Variants in ELP1 observed in about 807,000 individuals in gnomAD.
ELP1 encodes elongator complex protein 1.
A neutral mutation model predicts 183.2 loss-of-function variants in ELP1; 131 were observed. The ratio of observed to expected loss-of-function variants is 0.72; its 90% confidence interval spans 0.62 to 0.83. ELP1 has a LOEUF of 0.83. Ranked by LOEUF, ELP1 falls within the 40% of genes least tolerant of loss-of-function variation. The pLI is 0.00. For missense variants in ELP1, 1,550 were observed against 1,594.9 expected, an observed-to-expected ratio of 0.97 and a Z score of 0.48; for synonymous variants, 555 against 569.0, an observed-to-expected ratio of 0.98 and a Z score of 0.35.
At chr9:108,873,470 A>T (rs1266262385) in intron 36 of ELP1, among the ~76,000 whole-genome samples, 2 of 152,216 alleles carry the variant, frequency 1.3e-5, no homozygotes, top group Non-Finnish European at 2.9e-5. Flanking sequence ...GGTAATGATA[A>T]TAAACACTCA....
Position 108,896,661 on chromosome 9 carries a change from A to T in ELP1, c.2588-17T>A, listed in dbSNP as rs1828558060. On this transcript the variant is annotated splice_polypyrimidine_tract_variant and intron_variant, in intron 24 of 36. Transcript: ENST00000374647. ...GAGCATTTCCTAACAGTGTTTAGAA[A>T]ACAAAACAGAACACAATCATTTGGG... is the stretch of plus-strand genomic sequence containing the variant. 6.2e-7 allele frequency: 1 copy of T among 1,612,596 alleles called. No individual in the cohort carries two copies. The highest frequency in any genetic ancestry group is 1.7e-5 in the Admixed American group (1 of 60,022).
At position 108,906,375 on chromosome 9, in the gene ELP1, G is replaced by A. The variant is rs1207551249; in HGVS notation, c.1571C>T (p.Pro524Leu). Residue 524 changes from proline to leucine, a missense_variant, in exon 14 of 37, where the codon CCC (proline) becomes CTC (leucine). Coordinates refer to ENST00000374647, the MANE Select transcript of ELP1 (RefSeq NM_003640.5). Reference sequence around the variant, plus strand: ...AGTCAAATGGTGAATGACAGACCGGGGGCTGAACTCACTGTGGCTTACAGC... The same window carrying A: ...AGTCAAATGGTGAATGACAGACCGGAGGCTGAACTCACTGTGGCTTACAGC... ...FLAVSHSEFS[P>L]RSVIHHLTAA... 6.2e-6 allele frequency: 10 copies of A among 1,613,942 alleles called. No individual in the cohort carries two copies. The highest frequency in any genetic ancestry group is 8.5e-6 in the Non-Finnish European group (10 of 1,179,956).
intron 36 of ELP1, among the ~76,000 whole-genome samples, chr9:108,870,202 G>C (rs1429621147): frequency 2.6e-5 from 4 of 152,040 alleles, no homozygotes; most frequent in Admixed American, 2.0e-4. Flanking sequence ...TCCTGGTCTC[G>C]TTCCACCCAC....
chr9:108,930,859 T>C (rs1587928213), intron 2 of ELP1, 138 bp downstream of exon 2: 7 of 809,102 alleles, frequency 8.7e-6, no homozygotes, highest in East Asian at 5.3e-5. Context: ...ACATGGCATA[T>C]ATATGAAGCA....
At chr9:108,871,337 T>G (rs1284804061) in intron 36 of ELP1, among the ~76,000 whole-genome samples, 1 of 152,192 alleles carries the variant, frequency 6.6e-6, no homozygotes, top group Non-Finnish European at 1.5e-5. Flanking sequence ...GTTGAACTCA[T>G]GGAGTTTGGG....
chr9:108,877,703 A>G (rs1827754300), intron 35 of ELP1, among the ~76,000 whole-genome samples: 1 of 151,538 alleles, frequency 6.6e-6, no homozygotes, highest in Non-Finnish European at 1.5e-5. Flanking sequence ...ATCTCTCCCC[A>G]CTCCAACCTC....
chr9:108,873,067 C>T (rs1375053732), intron 36 of ELP1, among the ~76,000 whole-genome samples: 1 of 152,116 alleles, frequency 6.6e-6, no homozygotes. Flanking sequence ...AACTTGAGGG[C>T]TTTTCAATTT....
chr9:108,931,068 G>A lies in ELP1; in HGVS notation c.79C>T (p.Arg27Ter), dbSNP rs868073099. Residue 27 changes from arginine (R) to a stop codon, truncating the protein, a stop_gained, in exon 2 of 37, where the codon CGA becomes TGA. Transcript: ENST00000374647. LOFTEE classifies it high-confidence loss of function. The part of the protein sequence containing the change: ...GPGNPQCFSL[R>*]TEQGTVLIGS... ...ATGAGCACCGTCCCCTGTTCAGTTC[G>A]GAGAGAGAAGCACTGAGGATTCCCT... The A allele has an allele frequency of 7.4e-6, 12 of 1,613,884 alleles. No individual in the cohort carries two copies. In the East Asian group the frequency reaches 1.3e-4, roughly 18 times the overall value.
intron 29 of ELP1, among the ~76,000 whole-genome samples, chr9:108,886,140 C>T (rs1040083763): frequency 1.3e-5 from 2 of 152,180 alleles, no homozygotes; most frequent in African/African-American, 4.8e-5. Flanking sequence ...TGGCAGTACG[C>T]CAAGTCTGGT....
chr9:108,896,555 G>A lies in ELP1; in HGVS notation c.2677C>T (p.His893Tyr). 6.2e-7 allele frequency: 1 copy of A among 1,613,860 alleles called. No individual in the cohort carries two copies. Among genetic ancestry groups the A allele is most frequent in the Non-Finnish European group, 8.5e-7 (1 of 1,179,756 alleles). The change falls in exon 25 of 37, where the codon CAT becomes TAT. Residue 893 changes from histidine to tyrosine, a missense_variant. Physicochemically the swap from His to Tyr is moderately conservative, Grantham distance 83 (BLOSUM62 2). Transcript: ENST00000374647. ...HLVDVNELYD[H>Y]SLGTYDFDLV... is the part of the protein sequence containing the mutation. ...TCAAAGTCATAGGTGCCAAGAGAAT[G>A]ATCATATAATTCATTAACATCTACC...
At chr9:108,916,677 A>C (rs545733033) in intron 9 of ELP1, among the ~76,000 whole-genome samples, 2 of 152,356 alleles carry the variant, frequency 1.3e-5, no homozygotes, top group South Asian at 4.1e-4. Flanking sequence ...ATAAATATTG[A>C]AAATATGATT....
chr9:108,892,017 C>A (rs573370265), intron 27 of ELP1, among the ~76,000 whole-genome samples: 1 of 152,114 alleles, frequency 6.6e-6, no homozygotes, highest in East Asian at 1.9e-4. Context: ...TAGCCACTGG[C>A]CAAATCCTCG....
At chr9:108,913,452 T>C (rs897574244) in intron 10 of ELP1, among the ~76,000 whole-genome samples, 8 of 152,222 alleles carry the variant, frequency 5.3e-5, no homozygotes, top group Non-Finnish European at 1.5e-5. Flanking sequence ...GGAATTATAG[T>C]TATATTAAGA....
rs144202915 is a variant in ELP1 at position 108,878,732 on chromosome 9, G to C, written c.3591C>G (p.Arg1197=). Residue 1197 remains arginine, a synonymous_variant, in exon 34 of 37, where the codon CGC becomes CGG. Coordinates refer to ENST00000374647, the MANE Select transcript of ELP1 (RefSeq NM_003640.5). The part of the protein sequence containing the change: ...SRISARSSKN[R]RKAERKKHSL... Reference sequence around the variant, plus strand: ...TGTGCTTCTTCCGCTCCGCTTTTCGGCGATTCTTGGATGATCTCCTGTTAG... The same window carrying C: ...TGTGCTTCTTCCGCTCCGCTTTTCGCCGATTCTTGGATGATCTCCTGTTAG... 1 of 1,614,004 alleles carries C rather than the reference G, an allele frequency of 6.2e-7. No individual in the cohort carries two copies. Among genetic ancestry groups the C allele is most frequent in the Non-Finnish European group, 8.5e-7 (1 of 1,180,044 alleles).
At chr9:108,932,703 C>T (rs1318601464) in intron 1 of ELP1, among the ~76,000 whole-genome samples, 1 of 152,066 alleles carries the variant, frequency 6.6e-6, no homozygotes, top group East Asian at 1.9e-4. Context: ...AAATTTCACA[C>T]CCATCAGCCT....
At chr9:108,919,451 A>T (rs1829565176) in intron 6 of ELP1, 102 bp from the exon 7 acceptor site, 3 of 760,202 alleles carry the variant, frequency 3.9e-6, no homozygotes, top group Non-Finnish European at 6.8e-6. Context: ...AAGAGGTTTA[A>T]GCTACTTTGA....
rs972475636 is a variant in ELP1, at chr9:108,889,360, G to A, written c.3194C>T (p.Ala1065Val). ...KLVEQRKHID[A>V]AMVLEECAQD... Reference sequence around the variant, plus strand: ...GGCACACTCTTCCAAAACCATGGCCGCATCAATGTGCTTCCTCTGCTCAAC... The same window carrying A: ...GGCACACTCTTCCAAAACCATGGCCACATCAATGTGCTTCCTCTGCTCAAC... Residue 1065 changes from alanine to valine, a missense_variant, in exon 29 of 37, where the codon GCG (alanine) becomes GTG (valine). Transcript: ENST00000374647. 8.7e-6 allele frequency: 14 copies of A among 1,614,096 alleles called. No individual in the cohort carries two copies. Among genetic ancestry groups the A allele is most frequent in the South Asian group, 2.2e-5 (2 of 91,078 alleles).
chr9:108,908,333 T>A lies in ELP1; in HGVS notation c.1432A>T (p.Arg478Ter). Residue 478 changes from arginine to a stop codon, truncating the protein, a stop_gained, in exon 13 of 37, where the codon AGA becomes TGA. Coordinates refer to ENST00000374647, the MANE Select transcript of ELP1 (RefSeq NM_003640.5). LOFTEE classifies it high-confidence loss of function. ...TATCTCTTTTCCAAATGAGGAGTTCTAAGGCAAACTTTAAATCCACTTCCA... is the reference window on the plus strand; with the variant it reads ...TATCTCTTTTCCAAATGAGGAGTTCAAAGGCAAACTTTAAATCCACTTCCA... ...VGGSGFKVCL[R>*]TPHLEKRYKI... 1 of 1,614,088 alleles carries A rather than the reference T, an allele frequency of 6.2e-7. No homozygotes were observed. The highest frequency in any genetic ancestry group is 8.5e-7 in the Non-Finnish European group (1 of 1,179,902).
rs35054425 is a variant in ELP1, at chr9:108,902,935, A to C, written c.1758T>G (p.Pro586=). 0.015 allele frequency: 23,786 copies of C among 1,613,206 alleles called. 388 individuals carry two copies. Among genetic ancestry groups the C allele is most frequent in the South Asian group, 0.061 (5,541 of 91,008 alleles). ...GQIFKYLWES[P]SLAIKPWKNS... is the part of the protein sequence containing the mutation. ...TCTTCCATGGTTTAATAGCCAGAGA[A>C]GGTGACTCTGCAAGATTCACAGATC... Residue 586 remains proline, a synonymous_variant, in exon 16 of 37, where the codon CCT becomes CCG. Coordinates refer to ENST00000374647, the MANE Select transcript of ELP1 (RefSeq NM_003640.5).
Sources: allele counts gnomAD v4.1 joint callset (sites outside exome capture counted in the v4.1 genomes callset), GRCh38; gene constraint gnomAD v4.1.1; transcripts MANE v1.5; gene names NCBI Gene and HGNC (gene_info 2026-07-23, HGNC 2026-07-21).